BCAR1: variants seen among roughly 807,000 people sequenced by gnomAD.
BCAR1 encodes BCAR1 scaffold protein, Cas family member, also known as breast cancer anti-estrogen resistance protein 1.
Under a neutral mutation model 67.6 loss-of-function variants are expected in BCAR1, and 30 were observed. That is an observed-to-expected ratio of 0.44 (90% confidence interval 0.33 to 0.60). The LOEUF (loss-of-function observed/expected upper bound fraction) is 0.60. Ranked by LOEUF, BCAR1 falls within the 20% of genes least tolerant of loss-of-function variation. BCAR1 has a pLI of 0.02. For synonymous variants in BCAR1, 626 were observed against 556.7 expected (o/e 1.12, Z -1.75); for missense variants, 1,313 against 1,222.3 (o/e 1.07, Z -1.11).
intron 2 of BCAR1, among the ~76,000 whole-genome samples, chr16:75,240,425 G>C (rs1212506886): frequency 6.6e-6 from 1 of 152,246 alleles, no homozygotes; most frequent in Non-Finnish European, 1.5e-5. Context: ...CCCCAGCAGA[G>C]GGGGCAACCC....
Position 75,242,986 on chromosome 16 carries a change from G to A in BCAR1, c.117C>T (p.Gly39=), listed in dbSNP as rs2077404287. Residue 39 remains glycine (G), a synonymous_variant, in exon 2 of 7, where the codon GGC becomes GGT. Coordinates refer to ENST00000162330, the MANE Select transcript of BCAR1 (RefSeq NM_014567.5). ...IMTVLEQDTQ[G]LDGWWLCSLH... ...GCGAGCAGAGCCACCAGCCGTCCAGGCCCTGCGTGTCCTGCTCCAGCACCG... is the reference window on the plus strand; with the variant it reads ...GCGAGCAGAGCCACCAGCCGTCCAGACCCTGCGTGTCCTGCTCCAGCACCG... 1.2e-6 allele frequency: 2 copies of A among 1,613,602 alleles called. No homozygotes were observed. Among genetic ancestry groups the A allele is most frequent in the East Asian group, 4.5e-5 (2 of 44,866 alleles).
intron 1 of BCAR1, chr16:75,265,962 G>C: frequency 2.8e-6 from 3 of 1,071,934 alleles, no homozygotes; most frequent in Non-Finnish European, 3.4e-6. Context: ...GCTCCTGAGC[G>C]TTCCCGGACG....
rs770252990 is a variant in BCAR1 at position 75,235,051 on chromosome 16, C to T, written c.1848G>A (p.Glu616=). 6.2e-7 allele frequency: 1 copy of T among 1,613,130 alleles called. No homozygotes were observed. ...GGTTGGGGTGCAGGGTGCCACCCCCCTCAGGCCCCGGGGCAGTGGCCTTGG... is the reference window on the plus strand; with the variant it reads ...GGTTGGGGTGCAGGGTGCCACCCCCTTCAGGCCCCGGGGCAGTGGCCTTGG... ...RRTKATAPGP[E]GGGTLHPNPT... is the part of the protein sequence containing the mutation. Residue 616 remains glutamate (E), a synonymous_variant, in exon 5 of 7, where the codon GAG becomes GAA. Transcript: ENST00000162330.
At chr16:75,238,301 C>T (rs2151423110) in intron 2 of BCAR1, 1 of 1,147,466 alleles carries the variant, frequency 8.7e-7, no homozygotes, top group South Asian at 1.7e-5. Context: ...GCACACTGCG[C>T]CCACACGCCT....
intron 1 of BCAR1, among the ~76,000 whole-genome samples, chr16:75,259,952 G>A (rs1401896518): frequency 6.6e-6 from 1 of 151,980 alleles, no homozygotes; most frequent in Admixed American, 6.6e-5. Context: ...CTGGCACTTT[G>A]GGAGGCCAAG....
intron 2 of BCAR1, chr16:75,238,665 G>A (rs1032942524): frequency 2.0e-6 from 2 of 986,088 alleles, no homozygotes; most frequent in Non-Finnish European, 2.4e-6. Flanking sequence ...CCGGCTGGGG[G>A]CCTCCGTGGG....
chr16:75,249,555 C>A (rs2077613742), intron 1 of BCAR1: 1 of 152,334 alleles, frequency 6.6e-6, no homozygotes, highest in South Asian at 2.1e-4. Flanking sequence ...TCCCACTCCC[C>A]ACACTTCACC....
intron 6 of BCAR1, among the ~76,000 whole-genome samples, chr16:75,233,488 A>G (rs1224445919): frequency 6.6e-6 from 1 of 152,234 alleles, no homozygotes; most frequent in Non-Finnish European, 1.5e-5. Context: ...CTGGGACAGA[A>G]GAGTCGAATG....
chr16:75,240,370 C>T (rs2077298320), intron 2 of BCAR1, among the ~76,000 whole-genome samples: 1 of 152,174 alleles, frequency 6.6e-6, no homozygotes, highest in Non-Finnish European at 1.5e-5. Flanking sequence ...TACCGCCGTG[C>T]CACCGTAATG....
Position 75,237,246 on chromosome 16 carries a change from C to T in BCAR1, c.732G>A (p.Gly244=), listed in dbSNP as rs763710815. The change falls in exon 3 of 7, where the codon GGG becomes GGA. Residue 244 remains glycine, a synonymous_variant. Transcript: ENST00000162330. ...GGGGCACATCATAGATGTCCTGTGG[C>T]CCCGGGGCCAGCAGGTGTCGCGGGA... is the stretch of plus-strand genomic sequence containing the variant. The part of the protein sequence containing the change: ...YDIPRHLLAP[G]PQDIYDVPPV... 5.9e-6 allele frequency: 9 copies of T among 1,535,316 alleles called. No homozygotes were observed. The highest frequency in any genetic ancestry group is 7.9e-6 in the Non-Finnish European group (9 of 1,146,064).
intron 1 of BCAR1, among the ~76,000 whole-genome samples, chr16:75,258,748 C>T (rs1296097081): frequency 6.6e-6 from 1 of 152,234 alleles, no homozygotes; most frequent in African/African-American, 2.4e-5. Flanking sequence ...GCCAGTGTGG[C>T]CGCAGGAGCA....
chr16:75,230,102 G>T, intron 6 of BCAR1, 79 bp from the exon 7 acceptor site: 1 of 1,489,870 alleles, frequency 6.7e-7, no homozygotes, highest in Non-Finnish European at 9.0e-7. Context: ...GGCACCCTGG[G>T]CTGGGCTTCT....
exon 1 of BCAR1, chr16:75,267,917 T>C (rs2078030616): frequency 6.2e-7 from 1 of 1,601,760 alleles, no homozygotes; most frequent in Non-Finnish European, 8.5e-7. Context: ...TCACTTACTC[T>C]GAGGCAGGGA....
At position 75,235,639 on chromosome 16, in the gene BCAR1, G is replaced by A. The variant is rs2077092033; in HGVS notation, c.1260C>T (p.Ala420=). The A allele has an allele frequency of 6.2e-7, 1 of 1,607,678 alleles. No individual in the cohort carries two copies. The highest frequency in any genetic ancestry group is 8.5e-7 in the Non-Finnish European group (1 of 1,176,316). The part of the protein sequence containing the change: ...YAVPPPAERE[A]PAEGKRLSAS... ...CCGACAGGCGCTTGCCCTCTGCCGG[G>A]GCTTCACGTTCAGCTGGGGGAGGCA... is the stretch of plus-strand genomic sequence containing the variant. Residue 420 remains alanine (A), a synonymous_variant, in exon 5 of 7, where the codon GCC becomes GCT. Coordinates refer to ENST00000162330, the MANE Select transcript of BCAR1 (RefSeq NM_014567.5).
At chr16:75,256,547 C>A (rs1450023616), upstream of BCAR1, among the ~76,000 whole-genome samples, 1 of 152,146 alleles carries the variant, frequency 6.6e-6, no homozygotes, top group Non-Finnish European at 1.5e-5. Flanking sequence ...CACTCCAAGT[C>A]CTGGCCTGCA....
At chr16:75,254,627 T>C (rs1190944894), upstream of BCAR1, among the ~76,000 whole-genome samples, 2 of 152,110 alleles carry the variant, frequency 1.3e-5, no homozygotes, top group East Asian at 3.8e-4. Context: ...AGAGACGCCC[T>C]GAATAAGGAG....
upstream of BCAR1, among the ~76,000 whole-genome samples, chr16:75,254,563 G>A (rs2077738425): frequency 6.6e-6 from 1 of 152,226 alleles, no homozygotes; most frequent in African/African-American, 2.4e-5. Context: ...GCACACACTT[G>A]CATACACACA....
intron 5 of BCAR1, among the ~76,000 whole-genome samples, chr16:75,234,386 G>A (rs1368152846): frequency 6.6e-6 from 1 of 152,162 alleles, no homozygotes; most frequent in Non-Finnish European, 1.5e-5. Flanking sequence ...TGCCTTCCCA[G>A]GCTCCAACAC....
At chr16:75,245,465 C>G (rs1347859443) in intron 1 of BCAR1, among the ~76,000 whole-genome samples, 1 of 152,112 alleles carries the variant, frequency 6.6e-6, no homozygotes, top group Non-Finnish European at 1.5e-5. Flanking sequence ...GCCAGGCACT[C>G]AGAGAGGCTG....
Sources: gnomAD v4.1 joint callset for allele counts (sites outside exome capture counted in the v4.1 genomes callset) on GRCh38, gnomAD v4.1.1 for gene constraint, MANE v1.5 for transcripts, NCBI Gene and HGNC (gene_info 2026-07-23, HGNC 2026-07-21) for gene names.